Variants in ZDHHC14 observed in about 807,000 individuals in gnomAD.
ZDHHC14 encodes the protein palmitoyltransferase ZDHHC14.
In ZDHHC14, 16 loss-of-function variants were observed where a neutral mutation model predicts 47.7. The observed-to-expected ratio is 0.34, with a 90% CI of 0.23 to 0.51. ZDHHC14 has a LOEUF of 0.51. Among genes scored for constraint, ZDHHC14 ranks in the 20% least tolerant of loss-of-function variants. The pLI, the probability that ZDHHC14 is intolerant of heterozygous loss-of-function variation, is 0.97. For missense variants in ZDHHC14, 515 were observed against 662.5 expected, an observed-to-expected ratio of 0.78 and a Z score of 2.44; for synonymous variants, 293 against 278.9, an observed-to-expected ratio of 1.05 and a Z score of -0.50.
intron 4 of ZDHHC14, chr6:157,632,582 G>A: frequency 3.7e-6 from 2 of 547,120 alleles, no homozygotes. Flanking sequence ...ACGGGAAAGT[G>A]TGCAGACATC....
chr6:157,597,052 GTCTC>G (rs1210541335), intron 3 of ZDHHC14, among the ~76,000 whole-genome samples: 1 of 152,162 alleles, frequency 6.6e-6, no homozygotes, highest in Non-Finnish European at 1.5e-5. Context: ...ATCCTTGACT[GTCTC>G]TCTGGTTCTC....
intron 3 of ZDHHC14, among the ~76,000 whole-genome samples, chr6:157,605,410 A>G (rs1013009316): frequency 2.6e-5 from 4 of 152,200 alleles, no homozygotes; most frequent in Non-Finnish European, 5.9e-5. Context: ...ATTTGTACTA[A>G]GAGAGCTCTT....
intron 1 of ZDHHC14, among the ~76,000 whole-genome samples, chr6:157,389,124 CA>C (rs774019864): frequency 6.6e-6 from 1 of 151,992 alleles, no homozygotes; most frequent in Non-Finnish European, 1.5e-5. Context: ...GTACTTAAAG[CA>C]GTCTATTCAT....
At chr6:157,447,921 G>T (rs1331215173) in intron 1 of ZDHHC14, among the ~76,000 whole-genome samples, 2 of 152,094 alleles carry the variant, frequency 1.3e-5, no homozygotes, top group African/African-American at 4.8e-5. Flanking sequence ...GCCCAGGCTG[G>T]AGTGCAGTGG....
At chr6:157,442,802 G>A (rs1778587683) in intron 1 of ZDHHC14, among the ~76,000 whole-genome samples, 1 of 152,234 alleles carries the variant, frequency 6.6e-6, no homozygotes, top group Non-Finnish European at 1.5e-5. Context: ...CTTAGAGGCA[G>A]CCTCTGCCAC....
At chr6:157,564,804 T>C (rs1009544468) in intron 2 of ZDHHC14, among the ~76,000 whole-genome samples, 12 of 152,242 alleles carry the variant, frequency 7.9e-5, no homozygotes, top group African/African-American at 2.9e-4. Flanking sequence ...CATTTTTGCC[T>C]GATTTCCCTT....
At chr6:157,433,244 C>T (rs1245028281) in intron 1 of ZDHHC14, among the ~76,000 whole-genome samples, 3 of 152,178 alleles carry the variant, frequency 2.0e-5, no homozygotes, top group African/African-American at 7.2e-5. Context: ...TAAGTTGGCT[C>T]TTATAATTAA....
At chr6:157,453,450 G>A (rs1194878678) in intron 1 of ZDHHC14, among the ~76,000 whole-genome samples, 4 of 152,090 alleles carry the variant, frequency 2.6e-5, no homozygotes, top group Admixed American at 2.6e-4. Flanking sequence ...AACCATCAAA[G>A]GGCTTTAATT....
chr6:157,566,404 A>G (rs1030768205), intron 2 of ZDHHC14, among the ~76,000 whole-genome samples: 2 of 152,222 alleles, frequency 1.3e-5, no homozygotes, highest in Admixed American at 6.5e-5. Context: ...TCCCCAGAGC[A>G]CAAAATGGCC....
intron 1 of ZDHHC14, among the ~76,000 whole-genome samples, chr6:157,458,312 GA>G (rs1778978405): frequency 6.6e-6 from 1 of 152,338 alleles, no homozygotes; most frequent in East Asian, 1.9e-4. Context: ...TAGTCCCCAA[GA>G]GCAGAGAGTG....
chr6:157,522,665 A>G (rs1465437032), intron 1 of ZDHHC14, among the ~76,000 whole-genome samples: 1 of 151,384 alleles, frequency 6.6e-6, no homozygotes, highest in Non-Finnish European at 1.5e-5. Context: ...TTGATTTTTT[A>G]TTATTTCAAA....
intron 3 of ZDHHC14, 36 bp from the exon 4 acceptor site, chr6:157,628,313 T>G (rs780977550): frequency 1.3e-5 from 20 of 1,567,856 alleles, no homozygotes; most frequent in Non-Finnish European, 1.6e-5. Flanking sequence ...TATTAATTGA[T>G]TTCCACTTTT....
At chr6:157,402,404 G>A (rs920373318) in intron 1 of ZDHHC14, among the ~76,000 whole-genome samples, 1 of 151,164 alleles carries the variant, frequency 6.6e-6, no homozygotes, top group Admixed American at 6.6e-5. Context: ...CGCAGCGGGA[G>A]TAGTGAGATG....
rs556236725 is a variant in ZDHHC14, at chr6:157,607,872, G to A, written c.565+14726G>A. ...CAGCGATTCTTTCCAAGCTCCGCAT[G>A]GGCTTTCTGAGGGCTTGTATCACAT... On this transcript the variant is annotated intron_variant, in intron 3 of 8. Coordinates refer to ENST00000359775, the MANE Select transcript of ZDHHC14 (RefSeq NM_024630.3). 4.1e-4 allele frequency among the ~76,000 whole-genome samples: 62 copies of A among 152,340 alleles called. 1 individual carries two copies. The South Asian group carries it at 0.012, about 30-fold the overall frequency.
chr6:157,618,566 C>T (rs1168128996), intron 3 of ZDHHC14, among the ~76,000 whole-genome samples: 1 of 152,146 alleles, frequency 6.6e-6, no homozygotes, highest in Non-Finnish European at 1.5e-5. Context: ...AAATGATCCA[C>T]CCACCTCGGC....
At chr6:157,638,884 T>A (rs538912556) in intron 5 of ZDHHC14, among the ~76,000 whole-genome samples, 52 of 152,130 alleles carry the variant, frequency 3.4e-4, no homozygotes, top group South Asian at 1.0e-3. Flanking sequence ...TGGGTTCTAG[T>A]GGGGGACATG....
chr6:157,622,507 C>T (rs964285361), intron 3 of ZDHHC14, among the ~76,000 whole-genome samples: 1 of 152,190 alleles, frequency 6.6e-6, no homozygotes, highest in Non-Finnish European at 1.5e-5. Context: ...TTTAATGGAA[C>T]CTTCTTTGCC....
intron 1 of ZDHHC14, among the ~76,000 whole-genome samples, chr6:157,501,392 A>T (rs1476667849): frequency 6.6e-6 from 1 of 152,246 alleles, no homozygotes; most frequent in Non-Finnish European, 1.5e-5. Context: ...GGAAGTGTCA[A>T]CTATTTCTTG....
intron 2 of ZDHHC14, among the ~76,000 whole-genome samples, chr6:157,555,269 GA>G (rs949062312): frequency 5.9e-5 from 9 of 152,178 alleles, no homozygotes; most frequent in African/African-American, 2.2e-4. Context: ...CATGTTCCTA[GA>G]AAGGAACACA....
Sources: allele counts gnomAD v4.1 joint callset (sites outside exome capture counted in the v4.1 genomes callset), GRCh38; gene constraint gnomAD v4.1.1; transcripts MANE v1.5; gene names NCBI Gene and HGNC (gene_info 2026-07-23, HGNC 2026-07-21).